Variants in B3GLCT observed in about 807,000 individuals in gnomAD.
B3GLCT encodes the protein beta-1,3-glucosyltransferase.
A neutral mutation model predicts 63.4 loss-of-function variants in B3GLCT; 65 were observed. The observed-to-expected ratio is 1.03, with a 90% confidence interval of 0.84 to 1.26. The LOEUF (loss-of-function observed/expected upper bound fraction) is 1.26. Among genes scored for constraint, B3GLCT ranks in the 50% most tolerant of loss-of-function variants. The pLI, the probability that B3GLCT is intolerant of heterozygous loss-of-function variation, is 0.00. For missense variants in B3GLCT, 577 were observed against 604.8 expected, an observed-to-expected ratio of 0.95 and a Z score of 0.48; for synonymous variants, 233 against 219.2, an observed-to-expected ratio of 1.06 and a Z score of -0.55.
intron 1 of B3GLCT, among the ~76,000 whole-genome samples, chr13:31,214,078 T>C (rs1732366268): frequency 6.6e-6 from 1 of 152,148 alleles, no homozygotes; most frequent in African/African-American, 2.4e-5. Context: ...GATGAAGTCG[T>C]CTCCTGCTTC....
At chr13:31,275,613 T>A (rs1200595213) in intron 9 of B3GLCT, among the ~76,000 whole-genome samples, 1 of 152,154 alleles carries the variant, frequency 6.6e-6, no homozygotes, top group Non-Finnish European at 1.5e-5. Flanking sequence ...TCACTTGTTT[T>A]GGCAGACCCA....
At chr13:31,242,049 A>G (rs1189545933) in intron 4 of B3GLCT, among the ~76,000 whole-genome samples, 1 of 152,158 alleles carries the variant, frequency 6.6e-6, no homozygotes, top group African/African-American at 2.4e-5. Context: ...ATTTAACTCT[A>G]TGAATTAGTT....
chr13:31,245,893 T>C (rs1420097189), intron 4 of B3GLCT, among the ~76,000 whole-genome samples: 1 of 152,190 alleles, frequency 6.6e-6, no homozygotes, highest in Admixed American at 6.5e-5. Flanking sequence ...TAAGGTTTGC[T>C]CTTTCTAACA....
chr13:31,288,556 G>T (rs979246773), intron 12 of B3GLCT, among the ~76,000 whole-genome samples: 1 of 152,154 alleles, frequency 6.6e-6, no homozygotes, highest in Non-Finnish European at 1.5e-5. Flanking sequence ...GACTCAGTTG[G>T]CATCCAAGTC....
intron 13 of B3GLCT, among the ~76,000 whole-genome samples, chr13:31,322,760 A>G (rs1049431575): frequency 5.3e-5 from 8 of 152,010 alleles, no homozygotes; most frequent in Non-Finnish European, 1.0e-4. Flanking sequence ...ATTTTTTCTC[A>G]TTTTACTAGA....
rs375168040 is a variant in B3GLCT at position 31,317,636 on chromosome 13, G to T, written c.1135G>T (p.Gly379Cys). ...GEPVFLGERY[G>C]YGLGTGGYSY... ...GCCTGTGTTTCTGGGAGAGCGCTAC[G>T]GCTACGGCCTGGGCACTGGTGGCTA... The change falls in exon 13 of 15, where the codon GGC (glycine) becomes TGC (cysteine). Residue 379 changes from glycine (G) to cysteine (C), a missense_variant. Coordinates refer to ENST00000343307, the MANE Select transcript of B3GLCT (RefSeq NM_194318.4). 6.2e-7 allele frequency: 1 copy of T among 1,613,868 alleles called. No individual in the cohort carries two copies. The highest frequency in any genetic ancestry group is 1.3e-5 in the African/African-American group (1 of 74,876).
chr13:31,319,780 A>G (rs1430801136), intron 13 of B3GLCT, among the ~76,000 whole-genome samples: 2 of 152,176 alleles, frequency 1.3e-5, no homozygotes, highest in Non-Finnish European at 2.9e-5. Context: ...CACTTGACTG[A>G]TTGACAGACA....
At chr13:31,209,267 G>A (rs1329402931) in intron 1 of B3GLCT, among the ~76,000 whole-genome samples, 1 of 152,196 alleles carries the variant, frequency 6.6e-6, no homozygotes, top group African/African-American at 2.4e-5. Flanking sequence ...CTGGGCTGCA[G>A]GGGTGTTTGT....
chr13:31,211,171 G>C (rs1040049205), intron 1 of B3GLCT, among the ~76,000 whole-genome samples: 12 of 152,188 alleles, frequency 7.9e-5, no homozygotes, highest in Non-Finnish European at 1.6e-4. Flanking sequence ...GAGGTGGGTG[G>C]ATCACCTGAG....
At chr13:31,275,629 C>T (rs1872747583) in intron 9 of B3GLCT, among the ~76,000 whole-genome samples, 1 of 152,126 alleles carries the variant, frequency 6.6e-6, no homozygotes, top group African/African-American at 2.4e-5. Flanking sequence ...ACCCAAGGTC[C>T]AGCCCCAGTA....
intron 4 of B3GLCT, among the ~76,000 whole-genome samples, chr13:31,229,762 G>GAA: frequency 6.7e-6 from 1 of 149,264 alleles, no homozygotes; most frequent in South Asian, 2.1e-4. Context: ...AAAAAAAAAG[G>GAA]AAAAAAACGT....
rs760278384 is a variant in B3GLCT, at chr13:31,317,590, T to A, written c.1089T>A (p.Leu363=). 6.2e-7 allele frequency: 1 copy of A among 1,614,102 alleles called. No homozygotes were observed. The highest frequency in any genetic ancestry group is 8.5e-7 in the Non-Finnish European group (1 of 1,179,984). Residue 363 remains leucine, a synonymous_variant, in exon 13 of 15, where the codon CTT becomes CTA. Coordinates refer to ENST00000343307, the MANE Select transcript of B3GLCT (RefSeq NM_194318.4). Reference sequence around the variant, plus strand: ...GTATCTCCAGGCTCCAGCACTTGCTTAGCTGTTATGACTCCGGCGAGCCTG... The same window carrying A: ...GTATCTCCAGGCTCCAGCACTTGCTAAGCTGTTATGACTCCGGCGAGCCTG... The part of the protein sequence containing the change: ...LISISRLQHL[L]SCYDSGEPVF...
In B3GLCT at chr13:31,290,116, C is replaced by T. The variant is rs149701084; in HGVS notation, c.1064+3297C>T. ...CCCACTTATGACTGAGAACATGTGGCGTTTGGTTTTCTGTTCCTGTATTAG... is the reference window on the plus strand; with the variant it reads ...CCCACTTATGACTGAGAACATGTGGTGTTTGGTTTTCTGTTCCTGTATTAG... On this transcript the variant is annotated intron_variant, in intron 12 of 14. Transcript: ENST00000343307. Among the ~76,000 whole-genome samples, 842 of 152,100 alleles carry T rather than the reference C, an allele frequency of 5.5e-3. 13 individuals carry two copies. Among genetic ancestry groups the T allele is most frequent in the African/African-American group, 0.019 (806 of 41,484 alleles).
chr13:31,287,750 A>G (rs1013122726), intron 12 of B3GLCT, among the ~76,000 whole-genome samples: 4 of 152,220 alleles, frequency 2.6e-5, no homozygotes, highest in Non-Finnish European at 5.9e-5. Flanking sequence ...ACTATTAAAT[A>G]GTTATTATAC....
At chr13:31,246,956 T>TTTTC (rs1266450408) in intron 4 of B3GLCT, 67 bp from the exon 5 acceptor site, 406 of 978,948 alleles carry the variant, frequency 4.1e-4, no homozygotes, top group East Asian at 1.1e-3. Flanking sequence ...CTTTTCTTTT[T>TTTTC]TTTTTTTTTT....
chr13:31,289,593 A>G (rs116272556), intron 12 of B3GLCT, among the ~76,000 whole-genome samples: 4,065 of 145,412 alleles, frequency 0.028, 192 homozygotes, highest in African/African-American at 0.096. Context: ...AGAGAATGAG[A>G]TGGCACTTTA....
chr13:31,302,550 CAAAGA>C (rs1874278707), intron 12 of B3GLCT, among the ~76,000 whole-genome samples: 2 of 118,978 alleles, frequency 1.7e-5, no homozygotes, highest in South Asian at 6.7e-4. Flanking sequence ...CTTTCCGAGT[CAAAGA>C]AAGGGGTGAC....
rs1163668645 is a variant in B3GLCT at position 31,282,569 on chromosome 13, G to A, written c.851-2079G>A. ...AAGCAGGAGCATGGTGTGAACCCAG[G>A]AGGCAGAGCTTGCAGTGAGCTGAGA... On this transcript the variant is annotated intron_variant, in intron 10 of 14. Transcript: ENST00000343307. 2.6e-5 allele frequency among the ~76,000 whole-genome samples: 4 copies of A among 151,056 alleles called. No individual in the cohort carries two copies. In the East Asian group the frequency reaches 7.8e-4, roughly 30 times the overall value.
At chr13:31,313,154 G>T (rs1028169209) in intron 12 of B3GLCT, among the ~76,000 whole-genome samples, 2 of 152,202 alleles carry the variant, frequency 1.3e-5, no homozygotes, top group African/African-American at 2.4e-5. Flanking sequence ...AGACTCATGA[G>T]TGGGGATGGG....
Sources: allele counts gnomAD v4.1 joint callset (sites outside exome capture counted in the v4.1 genomes callset), GRCh38; gene constraint gnomAD v4.1.1; transcripts MANE v1.5; gene names NCBI Gene and HGNC (gene_info 2026-07-23, HGNC 2026-07-21).